Variants in DEFB131B observed in about 807,000 individuals in gnomAD.
The protein encoded by DEFB131B is defensin beta 131B, also known as beta-defensin 131B.
In DEFB131B, 2 loss-of-function variants were observed where a neutral mutation model predicts 2.1. The ratio of observed to expected loss-of-function variants is 0.94; its 90% CI spans 0.38 to 2.95. The LOEUF is 2.95. Among genes scored for constraint, DEFB131B ranks in the 30% most tolerant of loss-of-function variants. The pLI is 0.09. For synonymous variants in DEFB131B, 26 were observed against 25.8 expected (o/e 1.01, Z -0.03); for missense variants, 77 against 78.5 (o/e 0.98, Z 0.07).
In DEFB131B at chr11:71,878,791, GC is replaced by G. The variant is rs1011671841; in HGVS notation, c.58+284del. Among the ~76,000 whole-genome samples the G allele has an allele frequency of 5.1e-4, 77 of 151,654 alleles. 1 individual carries two copies. Among genetic ancestry groups the G allele is most frequent in the African/African-American group, 1.6e-3 (68 of 41,290 alleles). ...GGGTGAGCTTGGGAGTTCTAGACCAGCCCGGTGGGGGCAACAGGGTGAAACC... is the reference window on the plus strand; with the variant it reads ...GGGTGAGCTTGGGAGTTCTAGACCAGCCGGTGGGGGCAACAGGGTGAAACC... On this transcript the variant is annotated intron_variant, in intron 1 of 1. Coordinates refer to ENST00000530210, the MANE Select transcript of DEFB131B (RefSeq NM_001242853.1).
At chr11:71,880,854 A>G (rs1354372893) in intron 1 of DEFB131B, among the ~76,000 whole-genome samples, 1 of 152,074 alleles carries the variant, frequency 6.6e-6, no homozygotes, top group Non-Finnish European at 1.5e-5. Context: ...TTCTAGTTCT[A>G]TTCTATTTTT....
intron 1 of DEFB131B, among the ~76,000 whole-genome samples, chr11:71,879,242 A>G (rs1464135117): frequency 6.6e-6 from 1 of 152,028 alleles, no homozygotes; most frequent in Non-Finnish European, 1.5e-5. Flanking sequence ...GTTGAATAAA[A>G]CTCATATGAT....
At chr11:71,883,559 C>G (rs1286685253) in intron 1 of DEFB131B, among the ~76,000 whole-genome samples, 1 of 152,108 alleles carries the variant, frequency 6.6e-6, no homozygotes, top group African/African-American at 2.4e-5. Context: ...TAAAACTGGG[C>G]CTGTATCTTA....
In DEFB131B at chr11:71,884,255, A is replaced by T. The variant is rs183316836; in HGVS notation, c.59-152A>T. On this transcript the variant is annotated intron_variant, in intron 1 of 1. Coordinates refer to ENST00000530210, the MANE Select transcript of DEFB131B (RefSeq NM_001242853.1). ...AAATCATCGTTTGTCTTTATTCAGC[A>T]TCTCCACTTTTTCTCTTGCATTCTT... 9.9e-4 allele frequency: 842 copies of T among 854,366 alleles called. 2 individuals carry two copies. Among genetic ancestry groups the T allele is most frequent in the Middle Eastern group, 6.0e-3 (16 of 2,664 alleles). 52.9% of individuals were successfully genotyped at this position (854,366 alleles called of 1,614,324 possible). A position where few individuals can be genotyped will look rare whatever the true frequency, so the allele number is the denominator to read the frequency against.
chr11:71,883,701 A>G (rs1952592747), intron 1 of DEFB131B, among the ~76,000 whole-genome samples: 1 of 152,180 alleles, frequency 6.6e-6, no homozygotes, highest in Non-Finnish European at 1.5e-5. Flanking sequence ...TTAACTTATA[A>G]ATTGTAACAA....
At chr11:71,882,685 C>A (rs1185163976) in intron 1 of DEFB131B, among the ~76,000 whole-genome samples, 3 of 152,220 alleles carry the variant, frequency 2.0e-5, no homozygotes, top group African/African-American at 7.2e-5. Context: ...AGATCAGGAA[C>A]AAGGCAAAAG....
chr11:71,882,722 C>A (rs187547389), intron 1 of DEFB131B, among the ~76,000 whole-genome samples: 1 of 152,278 alleles, frequency 6.6e-6, no homozygotes, highest in Admixed American at 6.5e-5. Flanking sequence ...ATTTATTTAA[C>A]ATGATTCTAA....
At chr11:71,881,839 A>C (rs983242496) in intron 1 of DEFB131B, among the ~76,000 whole-genome samples, 1 of 152,210 alleles carries the variant, frequency 6.6e-6, no homozygotes, top group Non-Finnish European at 1.5e-5. Flanking sequence ...AGAATTAAAA[A>C]GAACAGAATA....
chr11:71,884,287 T>C, intron 1 of DEFB131B, 120 bp from the exon 2 acceptor site: 4 of 1,187,388 alleles, frequency 3.4e-6, no homozygotes, highest in Non-Finnish European at 4.5e-6. Context: ...TCTTTTGCTG[T>C]TGTTTTTGTT....
chr11:71,881,840 G>C (rs1187351484), intron 1 of DEFB131B, among the ~76,000 whole-genome samples: 3 of 151,952 alleles, frequency 2.0e-5, no homozygotes, highest in Non-Finnish European at 2.9e-5. Context: ...GAATTAAAAA[G>C]AACAGAATAT....
At chr11:71,883,392 C>T (rs1274720675) in intron 1 of DEFB131B, among the ~76,000 whole-genome samples, 2 of 152,124 alleles carry the variant, frequency 1.3e-5, no homozygotes, top group African/African-American at 4.8e-5. Context: ...TAAAGATAGA[C>T]ATATAGGCCA....
At chr11:71,884,025 C>A (rs535719658) in intron 1 of DEFB131B, among the ~76,000 whole-genome samples, 2 of 152,330 alleles carry the variant, frequency 1.3e-5, no homozygotes, top group South Asian at 2.1e-4. Context: ...TCAAGGCCAA[C>A]CCCTCCACTT....
At chr11:71,882,698 C>T (rs1253548803) in intron 1 of DEFB131B, among the ~76,000 whole-genome samples, 1 of 152,178 alleles carries the variant, frequency 6.6e-6, no homozygotes, top group African/African-American at 2.4e-5. Context: ...GGCAAAAGTG[C>T]CCCTTCTTGC....
In DEFB131B at chr11:71,884,505, T is replaced by C; in HGVS notation, c.157T>C (p.Phe53Leu). ...ACATGCAATTAGATACTGTGCTGACTTCAGCATCTGCTGCAAACTGAAGAT... is the reference window on the plus strand; with the variant it reads ...ACATGCAATTAGATACTGTGCTGACCTCAGCATCTGCTGCAAACTGAAGAT... ...DEHAIRYCAD[F>L]SICCKLKIIQ... The change falls in exon 2 of 2, where the codon TTC (phenylalanine) becomes CTC (leucine). Residue 53 changes from phenylalanine (F) to leucine (L), a missense_variant. Transcript: ENST00000530210. The C allele has an allele frequency of 6.2e-7, 1 of 1,610,142 alleles. No homozygotes were observed. Among genetic ancestry groups the C allele is most frequent in the Non-Finnish European group, 8.5e-7 (1 of 1,178,730 alleles).
Position 71,880,728 on chromosome 11 carries a change from C to A in DEFB131B, c.58+2218C>A, listed in dbSNP as rs574364899. ...GTTGTGTTTCCATTTGCATTTATTT[C>A]AAGAACATTTGTTATTTTCTTCTGA... On this transcript the variant is annotated intron_variant, in intron 1 of 1. Coordinates refer to ENST00000530210, the MANE Select transcript of DEFB131B (RefSeq NM_001242853.1). Among the ~76,000 whole-genome samples the A allele has an allele frequency of 9.3e-4, 142 of 152,230 alleles. 1 individual carries two copies. The highest frequency in any genetic ancestry group is 1.6e-3 in the Non-Finnish European group (109 of 68,004).
At chr11:71,882,596 G>C (rs1262851011) in intron 1 of DEFB131B, among the ~76,000 whole-genome samples, 1 of 152,164 alleles carries the variant, frequency 6.6e-6, no homozygotes, top group Non-Finnish European at 1.5e-5. Flanking sequence ...TTTGTCACCA[G>C]TAGTCCTACC....
chr11:71,879,790 T>C (rs12797752), intron 1 of DEFB131B, among the ~76,000 whole-genome samples: 4 of 152,274 alleles, frequency 2.6e-5, no homozygotes, highest in African/African-American at 9.6e-5. Flanking sequence ...CTAATTTTTG[T>C]CTCTATGTAT....
At chr11:71,878,565 G>A (rs1952539659) in intron 1 of DEFB131B, 55 bp downstream of exon 1, 1 of 1,570,222 alleles carries the variant, frequency 6.4e-7, no homozygotes, top group African/African-American at 1.4e-5. Flanking sequence ...AAAAGAAAAT[G>A]CAAGGTCTTT....
intron 1 of DEFB131B, among the ~76,000 whole-genome samples, chr11:71,882,365 C>T (rs749872714): frequency 5.9e-5 from 9 of 152,014 alleles, no homozygotes; most frequent in East Asian, 3.8e-4. Context: ...CAAGCAATCT[C>T]GTGCCTCAGC....
Sources: allele counts gnomAD v4.1 joint callset (sites outside exome capture counted in the v4.1 genomes callset), GRCh38; gene constraint gnomAD v4.1.1; transcripts MANE v1.5; gene names NCBI Gene and HGNC (gene_info 2026-07-23, HGNC 2026-07-21).